Variants in ELAVL4 observed in about 807,000 individuals in gnomAD.
ELAVL4 encodes ELAV like RNA binding protein 4, also known as ELAV-like protein 4.
ELAVL4 carries 1 observed loss-of-function variant against 35.6 expected under a neutral mutation model. The ratio of observed to expected loss-of-function variants is 0.03; its 90% confidence interval spans 0.01 to 0.13. ELAVL4 has a LOEUF of 0.13. Ranked by LOEUF, ELAVL4 falls within the 10% of genes least tolerant of loss-of-function variation. The pLI is 1.00. For missense variants in ELAVL4, 267 were observed against 464.9 expected (o/e 0.57, Z 3.91); for synonymous variants, 156 against 171.0 (o/e 0.91, Z 0.69).
chr1:50,158,545 A>T (rs1388044675), intron 2 of ELAVL4, among the ~76,000 whole-genome samples: 1 of 152,124 alleles, frequency 6.6e-6, no homozygotes, highest in Non-Finnish European at 1.5e-5. Flanking sequence ...AAACTTCAGG[A>T]GCTCACTGCT....
At chr1:50,094,782 T>TA (rs1665648791) in intron 1 of ELAVL4, among the ~76,000 whole-genome samples, 2 of 63,920 alleles carry the variant, frequency 3.1e-5, no homozygotes, top group Non-Finnish European at 7.1e-5. Context: ...ATAAATAAAT[T>TA]AGCTGGGCTT....
chr1:50,186,206 G>A (rs1355757122), intron 3 of ELAVL4, among the ~76,000 whole-genome samples: 2 of 152,126 alleles, frequency 1.3e-5, no homozygotes, highest in Admixed American at 1.3e-4. Flanking sequence ...ATTCTTTCTG[G>A]CTTCTTCATC....
intron 1 of ELAVL4, among the ~76,000 whole-genome samples, chr1:50,081,563 G>A (rs1453453421): frequency 2.6e-5 from 4 of 152,256 alleles, no homozygotes; most frequent in Non-Finnish European, 4.4e-5. Context: ...CCTTTAATAA[G>A]CACACCAGGG....
chr1:50,186,266 A>G (rs985629833), intron 3 of ELAVL4, among the ~76,000 whole-genome samples: 2 of 152,218 alleles, frequency 1.3e-5, no homozygotes, highest in Non-Finnish European at 2.9e-5. Context: ...GGCATAAAGT[A>G]TATGATACAT....
chr1:50,124,097 T>A (rs1051173864), intron 1 of ELAVL4, among the ~76,000 whole-genome samples: 1 of 152,110 alleles, frequency 6.6e-6, no homozygotes, highest in Admixed American at 6.6e-5. Context: ...AGCTTATGAG[T>A]GGGATATTGG....
chr1:50,196,064 G>A (rs1644039969), intron 5 of ELAVL4, among the ~76,000 whole-genome samples: 1 of 152,190 alleles, frequency 6.6e-6, no homozygotes, highest in African/African-American at 2.4e-5. Flanking sequence ...AAACATGAAG[G>A]TTCAGTTTCA....
intron 1 of ELAVL4, among the ~76,000 whole-genome samples, chr1:50,139,806 G>A (rs1016735361): frequency 6.6e-6 from 1 of 152,128 alleles, no homozygotes; most frequent in African/African-American, 2.4e-5. Flanking sequence ...TGATGATCCG[G>A]CAGCTGCACG....
chr1:50,055,829 T>C (rs1010072895), intron 1 of ELAVL4, among the ~76,000 whole-genome samples: 1 of 152,018 alleles, frequency 6.6e-6, no homozygotes, highest in Non-Finnish European at 1.5e-5. Flanking sequence ...CTGACTTGAG[T>C]TAAAATTTCA....
chr1:50,147,528 C>T (rs1020378121), intron 2 of ELAVL4, among the ~76,000 whole-genome samples: 5 of 152,000 alleles, frequency 3.3e-5, no homozygotes, highest in Admixed American at 6.6e-5. Flanking sequence ...ATTGCTCTAG[C>T]GGAGGACCTC....
At chr1:50,091,496 C>T (rs999639832) in intron 1 of ELAVL4, among the ~76,000 whole-genome samples, 1 of 152,118 alleles carries the variant, frequency 6.6e-6, no homozygotes, top group Non-Finnish European at 1.5e-5. Context: ...GTGTTTAGAC[C>T]TCAAGAGTTG....
chr1:50,127,505 A>G lies in ELAVL4; in HGVS notation c.10-17452A>G, dbSNP rs1287330566. ...ATATGCAAAGACATGGAAGGGACAT[A>G]CTGCCAAAGGCATTCAGATTATGGT... On this transcript the variant is annotated intron_variant, in intron 1 of 6. Coordinates refer to ENST00000371824, the MANE Select transcript of ELAVL4 (RefSeq NM_001144774.3). Among the ~76,000 whole-genome samples the G allele has an allele frequency of 2.0e-5, 3 of 152,154 alleles. No individual in the cohort carries two copies. The East Asian group carries it at 5.8e-4, about 29-fold the overall frequency.
intron 3 of ELAVL4, chr1:50,180,431 C>T (rs1680841379): frequency 6.6e-6 from 1 of 152,168 alleles, no homozygotes; most frequent in Admixed American, 6.5e-5. Flanking sequence ...TCAACCTGTA[C>T]TAGGAGGTAC....
chr1:50,134,415 C>T (rs966191032), intron 1 of ELAVL4, among the ~76,000 whole-genome samples: 2 of 152,096 alleles, frequency 1.3e-5, no homozygotes, highest in Non-Finnish European at 2.9e-5. Flanking sequence ...ATGTATTTCC[C>T]ATCACAACTG....
intron 1 of ELAVL4, among the ~76,000 whole-genome samples, chr1:50,070,909 T>C (rs1410149360): frequency 6.6e-6 from 1 of 152,172 alleles, no homozygotes; most frequent in East Asian, 1.9e-4. Flanking sequence ...GCTTGCAACA[T>C]CCAGTATTAT....
At chr1:50,100,583 C>G (rs1470473094), upstream of ELAVL4, among the ~76,000 whole-genome samples, 1 of 152,208 alleles carries the variant, frequency 6.6e-6, no homozygotes, top group Non-Finnish European at 1.5e-5. Context: ...TCAACTATCT[C>G]TAACACTTAA....
intron 2 of ELAVL4, among the ~76,000 whole-genome samples, chr1:50,162,489 C>T (rs1389290866): frequency 6.6e-6 from 1 of 152,164 alleles, no homozygotes. Context: ...CAAACATCTA[C>T]TTAGGAAGCC....
chr1:50,106,538 C>A (rs1173825548), upstream of ELAVL4: 1 of 632,154 alleles, frequency 1.6e-6, no homozygotes, highest in East Asian at 2.7e-5. Flanking sequence ...GGGAGACTCG[C>A]CTGCCTGATT....
intron 2 of ELAVL4, among the ~76,000 whole-genome samples, chr1:50,146,601 G>C (rs1572392784): frequency 6.6e-6 from 1 of 152,036 alleles, no homozygotes. Context: ...AATAGGGCCA[G>C]GCTTTGATTA....
chr1:50,163,086 GTTCT>G (rs1301655166), intron 2 of ELAVL4, among the ~76,000 whole-genome samples: 3 of 152,174 alleles, frequency 2.0e-5, no homozygotes, highest in African/African-American at 7.2e-5. Context: ...TTTCGTGACA[GTTCT>G]TTCTTCTCGA....
Sources: gnomAD v4.1 joint callset for allele counts (sites outside exome capture counted in the v4.1 genomes callset) on GRCh38, gnomAD v4.1.1 for gene constraint, MANE v1.5 for transcripts, NCBI Gene and HGNC (gene_info 2026-07-23, HGNC 2026-07-21) for gene names.